GRIN2B: variants seen among roughly 807,000 people sequenced by gnomAD.
The protein encoded by GRIN2B is glutamate ionotropic receptor NMDA type subunit 2B.
A neutral mutation model predicts 114.5 loss-of-function variants in GRIN2B; 5 were observed. That is an observed-to-expected ratio of 0.04 (90% confidence interval 0.02 to 0.09). The LOEUF (loss-of-function observed/expected upper bound fraction) is 0.09. Among genes scored for constraint, GRIN2B ranks in the 10% least tolerant of loss-of-function variants. The pLI is 1.00. For synonymous variants in GRIN2B, 787 were observed against 745.1 expected, an observed-to-expected ratio of 1.06 and a Z score of -0.92; for missense variants, 1,108 against 1,943.5, an observed-to-expected ratio of 0.57 and a Z score of 8.08.
intron 2 of GRIN2B, among the ~76,000 whole-genome samples, chr12:13,962,085 T>TACACACACACAC (rs754107657): frequency 0.026 from 1,560 of 60,340 alleles, 17 homozygotes; most frequent in East Asian, 0.074. Context: ...GTCTCTCTCA[T>TACACACACACAC]ACATACACAC....
chr12:13,880,881 T>G (rs1866061189), intron 2 of GRIN2B, among the ~76,000 whole-genome samples: 1 of 152,214 alleles, frequency 6.6e-6, no homozygotes, highest in Admixed American at 6.5e-5. Context: ...GTGTTCACTC[T>G]CATGCTGTGC....
At chr12:13,937,604 C>G (rs1166396374) in intron 2 of GRIN2B, among the ~76,000 whole-genome samples, 1 of 152,032 alleles carries the variant, frequency 6.6e-6, no homozygotes, top group Non-Finnish European at 1.5e-5. Flanking sequence ...GACAGAACAG[C>G]CTTCGGGCTG....
intron 3 of GRIN2B, among the ~76,000 whole-genome samples, chr12:13,801,723 T>C (rs1287937511): frequency 1.3e-5 from 2 of 152,160 alleles, no homozygotes; most frequent in South Asian, 4.1e-4. Context: ...AAAGCAGCCC[T>C]GTGTCAAGGA....
chr12:13,701,538 AAC>A (rs1950312952), intron 4 of GRIN2B, among the ~76,000 whole-genome samples: 1 of 151,918 alleles, frequency 6.6e-6, no homozygotes, highest in African/African-American at 2.4e-5. Flanking sequence ...AAGAAAAAAA[AAC>A]AGACAGTTCC....
intron 2 of GRIN2B, among the ~76,000 whole-genome samples, chr12:13,959,100 A>G (rs1032194915): frequency 3.3e-5 from 5 of 152,232 alleles, no homozygotes; most frequent in Admixed American, 2.0e-4. Context: ...AAAATGAGAG[A>G]CGGAGTAATA....
intron 3 of GRIN2B, among the ~76,000 whole-genome samples, chr12:13,804,791 T>C (rs1283793246): frequency 6.6e-6 from 1 of 152,172 alleles, no homozygotes; most frequent in Non-Finnish European, 1.5e-5. Flanking sequence ...GTAGCAATAA[T>C]GCCTTGCCCA....
At chr12:13,960,535 T>G (rs1867670103) in intron 2 of GRIN2B, among the ~76,000 whole-genome samples, 1 of 151,842 alleles carries the variant, frequency 6.6e-6, no homozygotes, top group Non-Finnish European at 1.5e-5. Context: ...GCGGAGAGGG[T>G]ACTGGGGGCA....
chr12:13,782,179 A>G (rs1002364660), intron 3 of GRIN2B, among the ~76,000 whole-genome samples: 8 of 152,210 alleles, frequency 5.3e-5, no homozygotes, highest in Non-Finnish European at 7.3e-5. Context: ...ATTAGAAAGC[A>G]TATGTCAGTC....
intron 5 of GRIN2B, among the ~76,000 whole-genome samples, chr12:13,649,503 T>TAA (rs1949795331): frequency 1.3e-5 from 2 of 152,116 alleles, no homozygotes; most frequent in East Asian, 3.9e-4. Context: ...AAGCAACTTT[T>TAA]TTTACTACAG....
chr12:13,842,645 A>T (rs1865397654), intron 3 of GRIN2B, among the ~76,000 whole-genome samples: 1 of 152,224 alleles, frequency 6.6e-6, no homozygotes, highest in Admixed American at 6.5e-5. Context: ...CTTTCCAAAA[A>T]GCTAATCATT....
chr12:13,672,601 G>A (rs2080932360), intron 5 of GRIN2B, among the ~76,000 whole-genome samples: 1 of 152,136 alleles, frequency 6.6e-6, no homozygotes, highest in Non-Finnish European at 1.5e-5. Context: ...CTGCCCACAG[G>A]TGAGCCCTAA....
intron 4 of GRIN2B, among the ~76,000 whole-genome samples, chr12:13,731,680 C>T (rs1466725132): frequency 6.6e-6 from 1 of 152,142 alleles, no homozygotes; most frequent in East Asian, 1.9e-4. Context: ...ATTAGCTCTA[C>T]AGAGGACATT....
At chr12:13,804,279 T>C (rs891752360) in intron 3 of GRIN2B, among the ~76,000 whole-genome samples, 3 of 151,948 alleles carry the variant, frequency 2.0e-5, no homozygotes, top group Non-Finnish European at 4.4e-5. Context: ...TCTATTAAAT[T>C]GATTTTCACT....
chr12:13,952,149 T>C (rs918184744), intron 2 of GRIN2B, among the ~76,000 whole-genome samples: 3 of 152,018 alleles, frequency 2.0e-5, no homozygotes, highest in Non-Finnish European at 4.4e-5. Flanking sequence ...ACCTTAAGGA[T>C]GTGTCTATAT....
intron 3 of GRIN2B, among the ~76,000 whole-genome samples, chr12:13,788,949 C>T (rs1010299181): frequency 1.2e-4 from 19 of 152,154 alleles, no homozygotes; most frequent in African/African-American, 3.9e-4. Context: ...TACAAAGCTC[C>T]GGCAAATGTC....
At chr12:13,970,455 G>A (rs775121962) in intron 2 of GRIN2B, among the ~76,000 whole-genome samples, 17 of 152,080 alleles carry the variant, frequency 1.1e-4, no homozygotes, top group South Asian at 4.1e-4. Context: ...GTATAAACAT[G>A]TCAGCTTTAT....
intron 2 of GRIN2B, among the ~76,000 whole-genome samples, chr12:13,894,794 C>A (rs539624474): frequency 7.9e-5 from 12 of 152,200 alleles, no homozygotes; most frequent in African/African-American, 2.9e-4. Flanking sequence ...TTAGGTAATG[C>A]CACTAAATTT....
chr12:13,846,243 T>C (rs1865470268), intron 3 of GRIN2B, among the ~76,000 whole-genome samples: 1 of 152,210 alleles, frequency 6.6e-6, no homozygotes, highest in Non-Finnish European at 1.5e-5. Flanking sequence ...GCAATGAATA[T>C]TTCCATTCAA....
intron 3 of GRIN2B, among the ~76,000 whole-genome samples, chr12:13,802,469 A>T (rs967177783): frequency 6.6e-6 from 1 of 152,174 alleles, no homozygotes; most frequent in East Asian, 1.9e-4. Flanking sequence ...CTGAAAATTT[A>T]TGCTGAAGAA....
Sources: gnomAD v4.1 joint callset for allele counts (sites outside exome capture counted in the v4.1 genomes callset) on GRCh38, gnomAD v4.1.1 for gene constraint, MANE v1.5 for transcripts, NCBI Gene and HGNC (gene_info 2026-07-23, HGNC 2026-07-21) for gene names.